The following USP10 variants were observed in gnomAD, a reference collection of about 807,000 sequenced individuals.
The protein encoded by USP10 is ubiquitin carboxyl-terminal hydrolase 10.
In USP10, 22 loss-of-function variants were observed where a neutral mutation model predicts 84.5. That is an observed-to-expected ratio of 0.26 (90% CI 0.19 to 0.37). The LOEUF (loss-of-function observed/expected upper bound fraction) is 0.37, where lower values mean the gene tolerates loss of function less well. Among genes scored for constraint, USP10 ranks in the 10% least tolerant of loss-of-function variants. The pLI, the probability that USP10 is intolerant of heterozygous loss-of-function variation, is 1.00. For missense variants in USP10, 1,019 were observed against 998.9 expected (o/e 1.02, Z -0.27); for synonymous variants, 454 against 387.6 (o/e 1.17, Z -2.01).
chr16:84,760,948 T>C (rs564580372), intron 8 of USP10, among the ~76,000 whole-genome samples: 1 of 152,338 alleles, frequency 6.6e-6, no homozygotes, highest in East Asian at 1.9e-4. Context: ...GAAAATGCCA[T>C]TTAAGTCAAG....
At chr16:84,719,997 C>A (rs1037703916) in intron 1 of USP10, among the ~76,000 whole-genome samples, 1 of 152,180 alleles carries the variant, frequency 6.6e-6, no homozygotes, top group Non-Finnish European at 1.5e-5. Context: ...TTCTAAGTAA[C>A]TTTGCTTTCC....
intron 3 of USP10, among the ~76,000 whole-genome samples, chr16:84,744,299 C>G (rs1291976754): frequency 1.3e-5 from 2 of 152,034 alleles, no homozygotes; most frequent in Non-Finnish European, 2.9e-5. Flanking sequence ...CATAAGGCAG[C>G]TATAAGAAAG....
intron 4 of USP10, among the ~76,000 whole-genome samples, chr16:84,757,183 G>A (rs1355952218): frequency 2.0e-5 from 3 of 152,066 alleles, no homozygotes; most frequent in African/African-American, 7.2e-5. Flanking sequence ...GGTTCAGTTC[G>A]TAACTGATCC....
At chr16:84,774,997 C>T (rs1278138926) in intron 12 of USP10, among the ~76,000 whole-genome samples, 163 bp from the exon 13 acceptor site, 1 of 152,108 alleles carries the variant, frequency 6.6e-6, no homozygotes, top group African/African-American at 2.4e-5. Context: ...GGCTCATTTC[C>T]TTCATGAGTC....
intron 4 of USP10, among the ~76,000 whole-genome samples, chr16:84,746,351 G>A (rs189188084): frequency 2.6e-5 from 4 of 152,326 alleles, no homozygotes; most frequent in South Asian, 4.1e-4. Context: ...ACATAGCCAC[G>A]TGTTGCTTAA....
chr16:84,731,935 A>G (rs567751940), intron 1 of USP10, among the ~76,000 whole-genome samples: 8 of 152,346 alleles, frequency 5.3e-5, no homozygotes, highest in Admixed American at 2.0e-4. Flanking sequence ...TCTTCACTGA[A>G]AAGTGACAGT....
intron 1 of USP10, among the ~76,000 whole-genome samples, chr16:84,725,618 GTTCTC>G (rs1242935427): frequency 1.3e-5 from 2 of 152,026 alleles, no homozygotes; most frequent in African/African-American, 4.8e-5. Flanking sequence ...TTGGCAGTCT[GTTCTC>G]TGACTCCTGA....
intron 10 of USP10, among the ~76,000 whole-genome samples, chr16:84,764,738 G>A (rs2150858764): frequency 6.6e-6 from 1 of 152,110 alleles, no homozygotes; most frequent in East Asian, 1.9e-4. Context: ...GGCTGAGGCA[G>A]GAGAATCGCT....
At chr16:84,778,868 T>C in intron 13 of USP10, 27 bp from the exon 14 acceptor site, 1 of 1,603,516 alleles carries the variant, frequency 6.2e-7, no homozygotes, top group Non-Finnish European at 8.5e-7. Context: ...CTGTTCTCAC[T>C]CTGCTGCCTG....
chr16:84,706,344 A>G (rs1295674703), intron 1 of USP10, among the ~76,000 whole-genome samples: 2 of 151,982 alleles, frequency 1.3e-5, no homozygotes, highest in Non-Finnish European at 2.9e-5. Context: ...CAATTTTTTT[A>G]TACTTCATTT....
chr16:84,718,086 A>G (rs1035609634), intron 1 of USP10, among the ~76,000 whole-genome samples: 2 of 152,220 alleles, frequency 1.3e-5, no homozygotes, highest in African/African-American at 2.4e-5. Flanking sequence ...GCTTCAGAGA[A>G]CTTGACTACA....
At position 84,701,637 on chromosome 16, in the gene USP10, CTTTA is replaced by C. The variant is rs751697315; in HGVS notation, c.21+1531_21+1534del. 1.0e-3 allele frequency among the ~76,000 whole-genome samples: 155 copies of C among 152,276 alleles called. 2 individuals carry two copies. Among genetic ancestry groups the C allele is most frequent in the Admixed American group, 9.8e-3 (150 of 15,294 alleles). ...AGCATCTTTAGGCATAGCTCACTTCCTTTATTTAATAAGCATCAATCACAATTCA... is the reference window on the plus strand; with the variant it reads ...AGCATCTTTAGGCATAGCTCACTTCCTTTAATAAGCATCAATCACAATTCA... On this transcript the variant is annotated intron_variant, in intron 1 of 13. Coordinates refer to ENST00000219473, the MANE Select transcript of USP10 (RefSeq NM_005153.3).
At chr16:84,721,978 G>T (rs1359657491) in intron 1 of USP10, among the ~76,000 whole-genome samples, 2 of 152,130 alleles carry the variant, frequency 1.3e-5, no homozygotes, top group African/African-American at 4.8e-5. Context: ...TACAGGCTGG[G>T]AGCCATCACG....
At chr16:84,732,980 A>G (rs1002366480) in intron 1 of USP10, 1 of 421,736 alleles carries the variant, frequency 2.4e-6, no homozygotes, top group Non-Finnish European at 4.6e-6. Flanking sequence ...ATCATTAATC[A>G]GGATCATTAA....
chr16:84,733,939 T>C (rs1296744192), intron 2 of USP10, among the ~76,000 whole-genome samples: 1 of 152,238 alleles, frequency 6.6e-6, no homozygotes, highest in Non-Finnish European at 1.5e-5. Flanking sequence ...AACGTTGTAT[T>C]CTTTATGCTA....
At chr16:84,759,843 A>G in intron 6 of USP10, 48 bp from the exon 7 acceptor site, 1 of 1,567,594 alleles carries the variant, frequency 6.4e-7, no homozygotes, top group Non-Finnish European at 8.8e-7. Flanking sequence ...TAGTAAAAGT[A>G]TATATTGTTT....
At chr16:84,705,459 C>T (rs945607458) in intron 1 of USP10, among the ~76,000 whole-genome samples, 2 of 152,052 alleles carry the variant, frequency 1.3e-5, no homozygotes, top group Non-Finnish European at 2.9e-5. Context: ...TCTCCATCTC[C>T]TGACCTCACG....
intron 2 of USP10, among the ~76,000 whole-genome samples, chr16:84,733,893 G>T (rs1021179145): frequency 7.2e-6 from 1 of 138,174 alleles, no homozygotes; most frequent in African/African-American, 2.7e-5. Context: ...TCACGTAAAT[G>T]GTATACTATA....
chr16:84,768,250 G>A lies in USP10; in HGVS notation c.1890G>A (p.Thr630=), dbSNP rs185085167. 95 of 1,604,194 alleles carry A rather than the reference G, an allele frequency of 5.9e-5. No homozygotes were observed. Among genetic ancestry groups the A allele is most frequent in the Admixed American group, 3.4e-4 (20 of 58,542 alleles). The part of the protein sequence containing the change: ...KESATLQPFF[T]LQLDIQSDKI... Reference sequence around the variant, plus strand: ...CTGCCACTTTGCAGCCATTTTTCACGTTGCAGTTGGATATCCAGTCAGACA... The same window carrying A: ...CTGCCACTTTGCAGCCATTTTTCACATTGCAGTTGGATATCCAGTCAGACA... Residue 630 remains threonine, a synonymous_variant, in exon 11 of 14, where the codon ACG becomes ACA. Coordinates refer to ENST00000219473, the MANE Select transcript of USP10 (RefSeq NM_005153.3).
Sources: gnomAD v4.1 joint callset for allele counts (sites outside exome capture counted in the v4.1 genomes callset) on GRCh38, gnomAD v4.1.1 for gene constraint, MANE v1.5 for transcripts, NCBI Gene and HGNC (gene_info 2026-07-23, HGNC 2026-07-21) for gene names.